Variants in FNTB observed in about 807,000 individuals in gnomAD.
The protein encoded by FNTB is farnesyltransferase, CAAX box, subunit beta, also known as protein farnesyltransferase subunit beta.
Under a neutral mutation model 59.4 loss-of-function variants are expected in FNTB, and 27 were observed. The observed-to-expected ratio is 0.45, with a 90% CI of 0.34 to 0.63. The LOEUF (loss-of-function observed/expected upper bound fraction) is 0.63, where lower values mean the gene tolerates loss of function less well. Ranked by LOEUF, FNTB falls within the 20% of genes least tolerant of loss-of-function variation. FNTB has a pLI of 0.02. For missense variants in FNTB, 449 were observed against 559.6 expected (o/e 0.80, Z 1.99); for synonymous variants, 230 against 220.7 (o/e 1.04, Z -0.37).
At chr14:65,021,829 A>G (rs2061891630) in intron 4 of FNTB, among the ~76,000 whole-genome samples, 3 of 152,162 alleles carry the variant, frequency 2.0e-5, no homozygotes, top group Admixed American at 2.0e-4. Context: ...TATTTTTAGT[A>G]GAGATGGGGT....
intron 1 of FNTB, among the ~76,000 whole-genome samples, chr14:64,996,340 A>G (rs777021964): frequency 6.6e-6 from 1 of 152,156 alleles, no homozygotes; most frequent in Non-Finnish European, 1.5e-5. Flanking sequence ...AGAAAAGAAA[A>G]GAAACATCTA....
chr14:64,988,720 C>T (rs1318600405), intron 1 of FNTB, among the ~76,000 whole-genome samples: 1 of 152,172 alleles, frequency 6.6e-6, no homozygotes, highest in Non-Finnish European at 1.5e-5. Flanking sequence ...TCGTGAGCCA[C>T]TGCTCCTGGT....
In FNTB at chr14:65,037,421, T is replaced by C. The variant is rs2062223841; in HGVS notation, c.693-3369T>C. Among the ~76,000 whole-genome samples, 16 of 108,684 alleles carry C rather than the reference T, an allele frequency of 1.5e-4. 1 individual carries two copies. Among genetic ancestry groups the C allele is most frequent in the Admixed American group, 1.2e-3 (13 of 10,526 alleles). 71.3% of individuals were successfully genotyped at this position (108,684 alleles called of 152,430 possible). A position where few individuals can be genotyped will look rare whatever the true frequency, so the allele number is the denominator to read the frequency against. The stretch of plus-strand genomic sequence containing the variant: ...CCGGGCCCTTTTTTTTTTTTTTTTT[T>C]TTTTTTTTTTTTTTTTTTTTTTTTT... On this transcript the variant is annotated intron_variant, in intron 7 of 11. Coordinates refer to ENST00000246166, the MANE Select transcript of FNTB (RefSeq NM_002028.4).
At chr14:65,034,414 A>G (rs966743457) in intron 7 of FNTB, among the ~76,000 whole-genome samples, 2 of 152,244 alleles carry the variant, frequency 1.3e-5, no homozygotes, top group African/African-American at 2.4e-5. Context: ...TCTTGCATGT[A>G]TCTGTGTTCT....
rs1361263883 is a variant in FNTB at position 65,027,640 on chromosome 14, C to G, written c.521+41C>G. 6.2e-7 allele frequency: 1 copy of G among 1,614,014 alleles called. No individual in the cohort carries two copies. The highest frequency in any genetic ancestry group is 8.5e-7 in the Non-Finnish European group (1 of 1,179,908). On this transcript the variant is annotated intron_variant, in intron 5 of 11. Transcript: ENST00000246166. This position sits in a 1 kb window ranked among gnomAD's most constrained non-coding sequence, Gnocchi z 5.7. ...GCAGTGACAGAAACCTAGAGGAGTTCCCCGCCTGCTGACACGCACTGACTG... is the reference window on the plus strand; with the variant it reads ...GCAGTGACAGAAACCTAGAGGAGTTGCCCGCCTGCTGACACGCACTGACTG...
intron 4 of FNTB, among the ~76,000 whole-genome samples, chr14:65,019,005 C>T (rs1162497428): frequency 6.6e-6 from 1 of 151,792 alleles, no homozygotes; most frequent in Admixed American, 6.6e-5. Flanking sequence ...ACTCAGGAGG[C>T]TGTTTGTTTG....
chr14:65,016,920 GTTTTTTTT>G (rs34191835), intron 4 of FNTB, among the ~76,000 whole-genome samples: 1,490 of 114,844 alleles, frequency 0.013, 19 homozygotes, highest in South Asian at 0.031. Flanking sequence ...GGCCCACGTG[GTTTTTTTT>G]TTTTTTTTTT....
rs544130934 is a variant in FNTB at position 64,990,152 on chromosome 14, G to A, written c.144+3055G>A. Among the ~76,000 whole-genome samples the A allele has an allele frequency of 1.0e-3, 159 of 152,270 alleles. 1 individual carries two copies. In the South Asian group the frequency reaches 0.012, roughly 12 times the overall value. On this transcript the variant is annotated intron_variant, in intron 1 of 11. Transcript: ENST00000246166. The surrounding 1 kb of genome is among the most constrained non-coding windows in gnomAD (Gnocchi z 5.2). ...CAAACCAGAGAGTAGGAGATGGGTC[G>A]GATCATGTAGGGTCTCATTGGCCTT... is the stretch of plus-strand genomic sequence containing the variant.
chr14:65,037,403 C>CTTTTTTTTTTT lies in FNTB; in HGVS notation c.693-3354_693-3344dup. ...TAGGCGTGAGCCACCACGCCGGGCC[C>CTTTTTTTTTTT]TTTTTTTTTTTTTTTTTTTTTTTTT... On this transcript the variant is annotated intron_variant, in intron 7 of 11. Transcript: ENST00000246166. Among the ~76,000 whole-genome samples, 110 of 29,690 alleles carry CTTTTTTTTTTT rather than the reference C, an allele frequency of 3.7e-3. 17 individuals carry two copies. The highest frequency in any genetic ancestry group is 6.1e-3 in the Non-Finnish European group (83 of 13,702). 19.5% of individuals were successfully genotyped at this position (29,690 alleles called of 152,430 possible).
chr14:65,053,623 T>C lies in FNTB; in HGVS notation c.1067+274T>C, dbSNP rs190002523. ...TTGCTGGGTAGATAACTCTTCTTTTTTTTAAAAAAAACAAAAAAAAACTGA... is the reference window on the plus strand; with the variant it reads ...TTGCTGGGTAGATAACTCTTCTTTTCTTTAAAAAAAACAAAAAAAAACTGA... On this transcript the variant is annotated intron_variant, in intron 10 of 11. Coordinates refer to ENST00000246166, the MANE Select transcript of FNTB (RefSeq NM_002028.4). 9.7e-3 allele frequency among the ~76,000 whole-genome samples: 1,170 copies of C among 120,068 alleles called. 10 individuals carry two copies. The highest frequency in any genetic ancestry group is 0.013 in the Non-Finnish European group (796 of 63,232). The allele number at this position is 120,068 out of a possible 152,430, so 78.8% of individuals were successfully genotyped here.
chr14:65,046,510 G>C (rs894323094), intron 9 of FNTB, among the ~76,000 whole-genome samples: 1 of 152,192 alleles, frequency 6.6e-6, no homozygotes, highest in African/African-American at 2.4e-5. Context: ...ACATGTTCTA[G>C]GGGGCTTAGT....
At chr14:65,000,146 G>A (rs942264171) in intron 1 of FNTB, among the ~76,000 whole-genome samples, 2 of 152,134 alleles carry the variant, frequency 1.3e-5, no homozygotes, top group African/African-American at 2.4e-5. Flanking sequence ...TTATTAAGTC[G>A]TATGGATTTG....
chr14:64,995,179 C>A (rs1487580215), intron 1 of FNTB, among the ~76,000 whole-genome samples: 1 of 152,160 alleles, frequency 6.6e-6, no homozygotes, highest in East Asian at 1.9e-4. Flanking sequence ...ACATTTCATC[C>A]CACTGGAAGG....
Position 65,037,402 on chromosome 14 carries a change from CCTTTTTTTT to C in FNTB, c.693-3387_693-3379del, listed in dbSNP as rs1259469347. ...ATAGGCGTGAGCCACCACGCCGGGC[CCTTTTTTTT>C]TTTTTTTTTTTTTTTTTTTTTTTTT... On this transcript the variant is annotated intron_variant, in intron 7 of 11. Coordinates refer to ENST00000246166, the MANE Select transcript of FNTB (RefSeq NM_002028.4). Among the ~76,000 whole-genome samples, 18 of 14,528 alleles carry C rather than the reference CCTTTTTTTT, an allele frequency of 1.2e-3. 4 individuals are homozygous for C. Among genetic ancestry groups the C allele is most frequent in the Admixed American group, 2.1e-3 (3 of 1,408 alleles). 9.5% of individuals were successfully genotyped at this position (14,528 alleles called of 152,430 possible).
At chr14:64,999,577 T>C (rs945020712) in intron 1 of FNTB, among the ~76,000 whole-genome samples, 1 of 152,208 alleles carries the variant, frequency 6.6e-6, no homozygotes, top group African/African-American at 2.4e-5. Context: ...TCTATGAATA[T>C]GCTAGAAGTC....
At chr14:65,060,033 A>G (rs572075827) in intron 11 of FNTB, among the ~76,000 whole-genome samples, 16 of 151,452 alleles carry the variant, frequency 1.1e-4, no homozygotes, top group Admixed American at 3.9e-4. Flanking sequence ...GGGTTTCACC[A>G]TCTTGGCCAG....
Position 65,044,690 on chromosome 14 carries a change from T to C in FNTB, c.955+247T>C. On this transcript the variant is annotated intron_variant, in intron 9 of 11. Transcript: ENST00000246166. The surrounding 1 kb of genome is among the most constrained non-coding windows in gnomAD (Gnocchi z 5.5). ...ACAGAATGAGCTTCCTTGAAATTGCTACGGGGAGCGGGGAGGAAGTGGGCG... is the reference window on the plus strand; with the variant it reads ...ACAGAATGAGCTTCCTTGAAATTGCCACGGGGAGCGGGGAGGAAGTGGGCG... 1.8e-6 allele frequency: 1 copy of C among 568,736 alleles called. No individual in the cohort carries two copies. Among genetic ancestry groups the C allele is most frequent in the East Asian group, 3.9e-5 (1 of 25,832 alleles). The allele number at this position is 568,736 out of a possible 1,614,324, so 35.2% of individuals were successfully genotyped here.
chr14:65,006,591 G>C (rs2061596165), intron 2 of FNTB, among the ~76,000 whole-genome samples: 1 of 152,152 alleles, frequency 6.6e-6, no homozygotes, highest in African/African-American at 2.4e-5. Flanking sequence ...GCTTTTGGAG[G>C]GGCTTTGTTG....
Position 65,027,440 on chromosome 14 carries a change from G to C in FNTB, c.375-13G>C, listed in dbSNP as rs530407196. 3 of 1,613,446 alleles carry C rather than the reference G, an allele frequency of 1.9e-6. No homozygotes were observed. In the South Asian group the frequency reaches 3.3e-5, roughly 18 times the overall value. On this transcript the variant is annotated splice_polypyrimidine_tract_variant and intron_variant, in intron 4 of 11. Transcript: ENST00000246166. This position sits in a 1 kb window ranked among gnomAD's most constrained non-coding sequence, Gnocchi z 5.7. ...TCTCTGACTTTGTTTTTGCCCTTTG[G>C]CTGTGTACCTAGTGTGTGTCAGTTC...
Sources: gnomAD v4.1 joint callset for allele counts (sites outside exome capture counted in the v4.1 genomes callset) on GRCh38, gnomAD v4.1.1 for gene constraint, Gnocchi (gnomAD v3.1) non-coding constraint, MANE v1.5 for transcripts, NCBI Gene and HGNC (gene_info 2026-07-23, HGNC 2026-07-21) for gene names.